Variants in POLR1A observed in about 807,000 individuals in gnomAD.
POLR1A encodes the protein RNA polymerase I subunit A.
A neutral mutation model predicts 205.3 loss-of-function variants in POLR1A; 84 were observed. That is an observed-to-expected ratio of 0.41 (90% CI 0.34 to 0.49). The LOEUF is 0.49. Ranked by LOEUF, POLR1A falls within the 20% of genes least tolerant of loss-of-function variation. POLR1A has a pLI of 0.22. For synonymous variants in POLR1A, 799 were observed against 863.7 expected, an observed-to-expected ratio of 0.93 and a Z score of 1.31; for missense variants, 1,645 against 2,204.5, an observed-to-expected ratio of 0.75 and a Z score of 5.08.
intron 14 of POLR1A, among the ~76,000 whole-genome samples, chr2:86,062,472 G>GA (rs59936142): frequency 0.017 from 2,585 of 147,754 alleles, 47 homozygotes; most frequent in East Asian, 0.099. Flanking sequence ...CTCATGGATT[G>GA]AAAAAAAAAA....
At chr2:86,088,938 T>C (rs774768450) in intron 4 of POLR1A, 68 bp from the exon 5 acceptor site, 22 of 1,170,408 alleles carry the variant, frequency 1.9e-5, no homozygotes, top group Non-Finnish European at 2.6e-5. Context: ...ATATTTACTT[T>C]ATGGTTTTCA....
intron 31 of POLR1A, among the ~76,000 whole-genome samples, chr2:86,029,010 G>C (rs1672326652): frequency 2.0e-5 from 3 of 152,208 alleles, no homozygotes; most frequent in African/African-American, 7.2e-5. Context: ...TTTTTAAACT[G>C]AGACCTGTTT....
Position 86,048,924 on chromosome 2 carries a change from A to T in POLR1A, c.2594T>A (p.Phe865Tyr), listed in dbSNP as rs1386403402. 3 of 1,614,094 alleles carry T rather than the reference A, an allele frequency of 1.9e-6. No homozygotes were observed. Among genetic ancestry groups the T allele is most frequent in the Non-Finnish European group, 2.5e-6 (3 of 1,180,018 alleles). The change falls in exon 18 of 34, where the codon TTC (phenylalanine) becomes TAC (tyrosine). Residue 865 changes from phenylalanine (F) to tyrosine (Y), a missense_variant. By Grantham distance (22) the Phe-to-Tyr change is conservative (BLOSUM62 3). Transcript: ENST00000263857. ...GCTGTAATGGTTCACTTCCTCCTTG[A>T]ACTTCAGATCAATCATGTTAAAATC... ...QRDFNMIDLK[F>Y]KEEVNHYSNE...
intron 16 of POLR1A, among the ~76,000 whole-genome samples, chr2:86,049,554 A>C (rs1672764831): frequency 6.6e-6 from 1 of 152,184 alleles, no homozygotes; most frequent in African/African-American, 2.4e-5. Flanking sequence ...GCCACCAGCT[A>C]TACTATCTCC....
At chr2:86,074,778 T>C (rs974289843) in intron 12 of POLR1A, among the ~76,000 whole-genome samples, 4 of 152,160 alleles carry the variant, frequency 2.6e-5, no homozygotes, top group Non-Finnish European at 5.9e-5. Context: ...GGGATGTGCA[T>C]TGCTCACAAG....
At chr2:86,104,563 T>C (rs1381231119) in intron 1 of POLR1A, among the ~76,000 whole-genome samples, 2 of 150,824 alleles carry the variant, frequency 1.3e-5, no homozygotes, top group East Asian at 4.0e-4. Context: ...TTCTCCTGCC[T>C]CAGCCTCCCG....
At position 86,049,143 on chromosome 2, in the gene POLR1A, T is replaced by A; in HGVS notation, c.2475+17A>T. On this transcript the variant is annotated intron_variant, in intron 17 of 33. Transcript: ENST00000263857. ...CACCCCTCTAGGGCAGGCCACGGCC[T>A]CGAAGTCCCTCCTTACCTGGGGCCC... The A allele has an allele frequency of 6.2e-7, 1 of 1,611,826 alleles. No homozygotes were observed. The highest frequency in any genetic ancestry group is 8.5e-7 in the Non-Finnish European group (1 of 1,177,844).
rs766057885 is a variant in POLR1A at position 86,074,984 on chromosome 2, C to T, written c.1611+46G>A. ...CTGATGGCCACCAATCACCAGAATC[C>T]GAACAGGAGCCGGATGGGTCCCTGA... On this transcript the variant is annotated intron_variant, in intron 12 of 33. Coordinates refer to ENST00000263857, the MANE Select transcript of POLR1A (RefSeq NM_015425.6). 4.0e-5 allele frequency: 54 copies of T among 1,366,968 alleles called. No homozygotes were observed. In the African/African-American group the frequency reaches 4.1e-4, roughly 10 times the overall value. The allele number at this position is 1,366,968 out of a possible 1,614,324, so 84.7% of individuals were successfully genotyped here.
rs1259304615 is a variant in POLR1A, at chr2:86,077,805, GCGCGCGCACA to G, written c.1380+44_1380+53del. 62 of 1,013,488 alleles carry G rather than the reference GCGCGCGCACA, an allele frequency of 6.1e-5. 3 individuals carry two copies. In the African/African-American group the frequency reaches 1.5e-3, roughly 25 times the overall value. The allele number at this position is 1,013,488 out of a possible 1,614,324, so 62.8% of individuals were successfully genotyped here. A position where few individuals can be genotyped will look rare whatever the true frequency, so the allele number is the denominator to read the frequency against. ...CGGGGAGCAAATGAGCCCTGCACGC[GCGCGCGCACA>G]CACACACACACACACACACACACAC... On this transcript the variant is annotated intron_variant, in intron 11 of 33. Transcript: ENST00000263857.
At chr2:86,041,186 T>TCACAC (rs1558765372) in intron 24 of POLR1A, among the ~76,000 whole-genome samples, 4 of 65,064 alleles carry the variant, frequency 6.1e-5, no homozygotes, top group African/African-American at 1.7e-4. Context: ...TGTGTGTGTG[T>TCACAC]GTGTGCGCGC....
In POLR1A at chr2:86,029,599, C is replaced by CTTT. The variant is rs35348861; in HGVS notation, c.4779+594_4779+596dup. 9.5e-4 allele frequency among the ~76,000 whole-genome samples: 131 copies of CTTT among 137,678 alleles called. 3 individuals are homozygous for CTTT. The highest frequency in any genetic ancestry group is 1.3e-3 in the Non-Finnish European group (81 of 64,774). 90.3% of individuals were successfully genotyped at this position (137,678 alleles called of 152,430 possible). A position where few individuals can be genotyped will look rare whatever the true frequency, so the allele number is the denominator to read the frequency against. On this transcript the variant is annotated intron_variant, in intron 31 of 33. Coordinates refer to ENST00000263857, the MANE Select transcript of POLR1A (RefSeq NM_015425.6). Reference sequence around the variant, plus strand: ...ACTTCGGGAGGGTCTTAATTTCTTTCTTTTTTTTTTTTTTTGAGATGGAGT... The same window carrying CTTT: ...ACTTCGGGAGGGTCTTAATTTCTTTCTTTTTTTTTTTTTTTTTTGAGATGGAGT...
chr2:86,082,934 C>T, intron 7 of POLR1A, 148 bp downstream of exon 7: 1 of 610,162 alleles, frequency 1.6e-6, no homozygotes, highest in Non-Finnish European at 2.9e-6. Context: ...TGTCAATGTG[C>T]CCTGAAGACT....
At chr2:86,079,037 C>T (rs572687146) in intron 9 of POLR1A, among the ~76,000 whole-genome samples, 41 of 152,164 alleles carry the variant, frequency 2.7e-4, no homozygotes, top group Admixed American at 2.2e-3. Context: ...GATGGTCCCA[C>T]GTCTTCCAGT....
chr2:86,046,812 G>A (rs779840950), intron 19 of POLR1A, among the ~76,000 whole-genome samples: 60 of 151,916 alleles, frequency 3.9e-4, no homozygotes, highest in Non-Finnish European at 5.1e-4. Flanking sequence ...CCCGGTGACA[G>A]AGCAAGACTT....
rs1256176571 is a variant in POLR1A at position 86,028,759 on chromosome 2, T to C, written c.4780-48A>G. 2 of 1,384,454 alleles carry C rather than the reference T, an allele frequency of 1.4e-6. No homozygotes were observed. The allele number at this position is 1,384,454 out of a possible 1,614,324, so 85.8% of individuals were successfully genotyped here. ...TTATTTAGAGGGCCTGGCCTTCTGC[T>C]CCCTTCTGCCTGCGTATCTCCCCCT... On this transcript the variant is annotated intron_variant, in intron 31 of 33. Coordinates refer to ENST00000263857, the MANE Select transcript of POLR1A (RefSeq NM_015425.6). The surrounding 1 kb of genome is among the most constrained non-coding windows in gnomAD (Gnocchi z 4.5).
chr2:86,042,733 A>C (rs139298682), intron 23 of POLR1A, among the ~76,000 whole-genome samples: 2 of 151,934 alleles, frequency 1.3e-5, no homozygotes, highest in Non-Finnish European at 2.9e-5. Flanking sequence ...ATTCCTTCAC[A>C]CCTGGGATCG....
Position 86,105,723 on chromosome 2 carries a change from C to G in POLR1A, c.54G>C (p.Gly18=), listed in dbSNP as rs771854349. 1.9e-6 allele frequency: 3 copies of G among 1,613,988 alleles called. No homozygotes were observed. Among genetic ancestry groups the G allele is most frequent in the Non-Finnish European group, 2.5e-6 (3 of 1,179,806 alleles). The change falls in exon 1 of 34, where the codon GGG becomes GGC. Residue 18 remains glycine (G), a synonymous_variant. Transcript: ENST00000263857. ...PWRRLQGISF[G]MYSAEELKKL... Reference sequence around the variant, plus strand: ...ACTTGAGCTCTTCAGCCGAATACATCCCGAAGGAAATGCCCTGCAGCCGCC... The same window carrying G: ...ACTTGAGCTCTTCAGCCGAATACATGCCGAAGGAAATGCCCTGCAGCCGCC...
chr2:86,077,710 C>G (rs1006601954), intron 11 of POLR1A, 149 bp downstream of exon 11: 22 of 935,528 alleles, frequency 2.4e-5, no homozygotes, highest in Non-Finnish European at 1.6e-6. Flanking sequence ...GAAGCTAGTT[C>G]CGCCCAAGCC....
chr2:86,043,990 G>A (rs1558766564), intron 22 of POLR1A, 149 bp downstream of exon 22: 1 of 672,146 alleles, frequency 1.5e-6, no homozygotes, highest in Admixed American at 2.8e-5. Context: ...AGTGTTTCAG[G>A]GCACTGACCG....
Sources: allele counts gnomAD v4.1 joint callset (sites outside exome capture counted in the v4.1 genomes callset), GRCh38; gene constraint gnomAD v4.1.1; non-coding constraint Gnocchi (gnomAD v3.1); transcripts MANE v1.5; gene names NCBI Gene and HGNC (gene_info 2026-07-23, HGNC 2026-07-21).